ERC1: variants seen among roughly 807,000 people sequenced by gnomAD.
The protein encoded by ERC1 is ELKS/RAB6-interacting/CAST family member 1.
Under a neutral mutation model 132.0 loss-of-function variants are expected in ERC1, and 56 were observed. The ratio of observed to expected loss-of-function variants is 0.42; its 90% CI spans 0.34 to 0.53. The LOEUF is 0.53. Ranked by LOEUF, ERC1 falls within the 20% of genes least tolerant of loss-of-function variation. The pLI is 0.03. For missense variants in ERC1, 1,202 were observed against 1,349.9 expected (o/e 0.89, Z 1.72); for synonymous variants, 478 against 476.1 (o/e 1.00, Z -0.05).
At chr12:1,427,631 G>A (rs1027768414) in intron 17 of ERC1, among the ~76,000 whole-genome samples, 1 of 152,164 alleles carries the variant, frequency 6.6e-6, no homozygotes, top group Non-Finnish European at 1.5e-5. Flanking sequence ...GATAAAGAGT[G>A]TCTTTGCCCT....
At chr12:1,177,904 A>G (rs1953924888) in intron 8 of ERC1, among the ~76,000 whole-genome samples, 1 of 152,278 alleles carries the variant, frequency 6.6e-6, no homozygotes, top group Non-Finnish European at 1.5e-5. Context: ...GAGTGGCAAA[A>G]TTCTCTTTAC....
intron 18 of ERC1, among the ~76,000 whole-genome samples, chr12:1,446,282 T>C (rs1565457366): frequency 6.6e-6 from 1 of 152,070 alleles, no homozygotes; most frequent in Non-Finnish European, 1.5e-5. Flanking sequence ...AGGCATACAG[T>C]ACAGACATGG....
At chr12:1,463,261 A>T (rs1297399046) in intron 18 of ERC1, among the ~76,000 whole-genome samples, 7 of 151,868 alleles carry the variant, frequency 4.6e-5, no homozygotes, top group Middle Eastern at 6.8e-3. Flanking sequence ...CATCTCCCTC[A>T]CTCCGGGACC....
At chr12:1,166,769 A>G (rs143434779) in intron 8 of ERC1, among the ~76,000 whole-genome samples, 1 of 152,190 alleles carries the variant, frequency 6.6e-6, no homozygotes, top group Non-Finnish European at 1.5e-5. Flanking sequence ...TGTGTTTTTC[A>G]GCTGGATGAA....
chr12:1,188,154 G>T (rs1338855049), intron 11 of ERC1, among the ~76,000 whole-genome samples: 2 of 152,088 alleles, frequency 1.3e-5, no homozygotes, highest in Admixed American at 6.5e-5. Flanking sequence ...ATCATCTTTT[G>T]TGCCCCTACA....
chr12:1,407,325 C>G (rs943391959), intron 16 of ERC1, among the ~76,000 whole-genome samples: 2 of 152,106 alleles, frequency 1.3e-5, no homozygotes, highest in Admixed American at 6.5e-5. Context: ...CTGAACACCT[C>G]ACTGAACTCT....
chr12:1,325,057 A>G (rs547964966), intron 15 of ERC1, among the ~76,000 whole-genome samples: 122 of 151,950 alleles, frequency 8.0e-4, no homozygotes, highest in Non-Finnish European at 1.5e-3. Flanking sequence ...AACTGTTTGT[A>G]GAAAAAAAAT....
intron 14 of ERC1, among the ~76,000 whole-genome samples, chr12:1,279,536 G>A (rs1293897481): frequency 6.6e-6 from 1 of 151,912 alleles, no homozygotes; most frequent in African/African-American, 2.4e-5. Context: ...CTGTATCTGT[G>A]TTTTCAAAAG....
chr12:1,157,981 C>A (rs994446916), intron 8 of ERC1, among the ~76,000 whole-genome samples: 3 of 152,134 alleles, frequency 2.0e-5, no homozygotes, highest in African/African-American at 7.2e-5. Context: ...GGGAGGAAAT[C>A]AATTCATTCA....
intron 14 of ERC1, among the ~76,000 whole-genome samples, chr12:1,276,161 C>T (rs560168402): frequency 6.6e-6 from 1 of 152,238 alleles, no homozygotes; most frequent in East Asian, 1.9e-4. Flanking sequence ...AAAAATCCTA[C>T]TTCTTCCATA....
At chr12:1,053,962 T>G (rs1278038984) in intron 2 of ERC1, among the ~76,000 whole-genome samples, 1 of 152,222 alleles carries the variant, frequency 6.6e-6, no homozygotes, top group Non-Finnish European at 1.5e-5. Context: ...CCTTGACCTT[T>G]TGGGTGGTCT....
At chr12:1,488,626 CGGCA>C in intron 18 of ERC1, among the ~76,000 whole-genome samples, 1 of 152,136 alleles carries the variant, frequency 6.6e-6, no homozygotes, top group East Asian at 1.9e-4. Flanking sequence ...ATGAACTGAT[CGGCA>C]GAACTGACCT....
chr12:1,412,656 A>G (rs187579203), intron 17 of ERC1, among the ~76,000 whole-genome samples: 1 of 152,110 alleles, frequency 6.6e-6, no homozygotes, highest in Admixed American at 6.5e-5. Context: ...TTGAATCTAG[A>G]CCTCTCCACC....
intron 2 of ERC1, among the ~76,000 whole-genome samples, chr12:1,057,749 C>T (rs1236946175): frequency 1.3e-5 from 2 of 151,912 alleles, no homozygotes; most frequent in Non-Finnish European, 2.9e-5. Flanking sequence ...GCACTTGCCA[C>T]CACGCCCAGC....
intron 1 of ERC1, among the ~76,000 whole-genome samples, chr12:1,022,244 G>T (rs12422930): frequency 0.034 from 5,231 of 152,206 alleles, 92 homozygotes; most frequent in Middle Eastern, 0.061. Context: ...TTGTGATCCA[G>T]TATGCACATG....
At chr12:1,144,520 A>G (rs1262767930) in intron 8 of ERC1, among the ~76,000 whole-genome samples, 1 of 150,602 alleles carries the variant, frequency 6.6e-6, no homozygotes, top group African/African-American at 2.5e-5. Context: ...TCCATTCCTG[A>G]GTTACTTCAC....
At chr12:1,064,970 C>G (rs1938805718) in intron 2 of ERC1, among the ~76,000 whole-genome samples, 1 of 152,010 alleles carries the variant, frequency 6.6e-6, no homozygotes, top group African/African-American at 2.4e-5. Flanking sequence ...TTTTTATCCT[C>G]TCTTCTTTTT....
At chr12:1,390,534 G>T (rs922035045) in intron 16 of ERC1, 4 of 152,116 alleles carry the variant, frequency 2.6e-5, no homozygotes, top group African/African-American at 9.7e-5. Flanking sequence ...GGTGAAACAT[G>T]GGACAAAGAA....
rs1954984360 is a variant in ERC1 at position 1,185,526 on chromosome 12, G to T, written c.2157+2105G>T. Reference sequence around the variant, plus strand: ...ACTTTTCTTTCTTTCTTTTCTCCCTGATGCTTCTTACTGTCTTTGGCATCC... The same window carrying T: ...ACTTTTCTTTCTTTCTTTTCTCCCTTATGCTTCTTACTGTCTTTGGCATCC... On this transcript the variant is annotated intron_variant, in intron 11 of 18. Transcript: ENST00000360905. Among the ~76,000 whole-genome samples, 6 of 150,024 alleles carry T rather than the reference G, an allele frequency of 4.0e-5. No individual in the cohort carries two copies. The South Asian group carries it at 1.3e-3, about 32-fold the overall frequency.
Sources: gnomAD v4.1 joint callset for allele counts (sites outside exome capture counted in the v4.1 genomes callset) on GRCh38, gnomAD v4.1.1 for gene constraint, MANE v1.5 for transcripts, NCBI Gene and HGNC (gene_info 2026-07-23, HGNC 2026-07-21) for gene names.